FAM135B: variants seen among roughly 807,000 people sequenced by gnomAD.
FAM135B encodes protein FAM135B.
A neutral mutation model predicts 127.7 loss-of-function variants in FAM135B; 43 were observed. The observed-to-expected ratio is 0.34, with a 90% CI of 0.26 to 0.43. FAM135B has a LOEUF of 0.43. Ranked by LOEUF, FAM135B falls within the 20% of genes least tolerant of loss-of-function variation. The pLI is 1.00. For synonymous variants in FAM135B, 670 were observed against 665.1 expected, an observed-to-expected ratio of 1.01 and a Z score of -0.11; for missense variants, 1,558 against 1,725.6, an observed-to-expected ratio of 0.90 and a Z score of 1.72.
intron 2 of FAM135B, among the ~76,000 whole-genome samples, chr8:138,314,724 T>TAAATAAATAAATAAATAAATAAATAAAA (rs56300482): frequency 6.7e-6 from 1 of 149,424 alleles, no homozygotes; most frequent in Non-Finnish European, 1.5e-5. Flanking sequence ...AATAAATAAA[T>TAAATAAATAAATAAATAAATAAATAAAA]TAGCTGGGTG....
chr8:138,324,441 A>G (rs889713494), intron 2 of FAM135B, among the ~76,000 whole-genome samples: 17 of 152,230 alleles, frequency 1.1e-4, no homozygotes, highest in African/African-American at 4.1e-4. Context: ...GCCATTTGCC[A>G]TTTTTGCAGA....
chr8:138,222,274 G>A (rs778086607), intron 7 of FAM135B, among the ~76,000 whole-genome samples: 2 of 152,148 alleles, frequency 1.3e-5, no homozygotes, highest in Non-Finnish European at 2.9e-5. Context: ...GGTATAACAG[G>A]ATGACAGAAA....
rs530880072 is a variant in FAM135B, at chr8:138,156,675, G to A, written c.1259-3459C>T. Among the ~76,000 whole-genome samples the A allele has an allele frequency of 1.6e-3, 236 of 152,174 alleles. 1 individual carries two copies. The highest frequency in any genetic ancestry group is 2.5e-3 in the Non-Finnish European group (167 of 67,994). On this transcript the variant is annotated intron_variant, in intron 12 of 19. Transcript: ENST00000395297. ...CAGAGAATACTAAAAACACCTCTAC[G>A]CAAATAAACTAGAAAATATAGAAGA...
At chr8:138,462,203 T>C (rs568721952) in intron 1 of FAM135B, among the ~76,000 whole-genome samples, 2 of 152,280 alleles carry the variant, frequency 1.3e-5, no homozygotes, top group African/African-American at 4.8e-5. Flanking sequence ...TATATGTACA[T>C]ATATGTGGAA....
In FAM135B at chr8:138,148,565, A is replaced by C; in HGVS notation, c.3403T>G (p.Leu1135Val). ...ACAACCAGGTGAATTCCATCTTCCA[A>C]ATTTTCTTCCTCTTCCTCTGGTGGG... ...YFPPEEEEEN[L>V]EDGIHLVVCV... The change falls in exon 14 of 20, where the codon TTG becomes GTG. Residue 1135 changes from leucine (L) to valine (V), a missense_variant. Leu to Val is a conservative substitution (Grantham distance 32, BLOSUM62 1). Transcript: ENST00000395297. 1 of 1,614,094 alleles carries C rather than the reference A, an allele frequency of 6.2e-7. No individual in the cohort carries two copies. Among genetic ancestry groups the C allele is most frequent in the Non-Finnish European group, 8.5e-7 (1 of 1,179,960 alleles).
intron 1 of FAM135B, among the ~76,000 whole-genome samples, chr8:138,415,741 G>T (rs34031939): frequency 6.6e-6 from 1 of 152,108 alleles, no homozygotes; most frequent in Non-Finnish European, 1.5e-5. Context: ...AGACAATATG[G>T]CCCCAAGGGG....
At chr8:138,225,849 A>G (rs1318499797) in intron 7 of FAM135B, among the ~76,000 whole-genome samples, 2 of 152,158 alleles carry the variant, frequency 1.3e-5, no homozygotes, top group Non-Finnish European at 2.9e-5. Context: ...CAACCCTCAT[A>G]GCAGCTGGCA....
At chr8:138,166,093 G>A (rs1341029828) in intron 12 of FAM135B, among the ~76,000 whole-genome samples, 5 of 152,164 alleles carry the variant, frequency 3.3e-5, no homozygotes, top group Non-Finnish European at 7.4e-5. Context: ...GGCGTTGAAC[G>A]TCGGCTTTAA....
rs1347432421 is a variant in FAM135B, at chr8:138,141,355, G to A, written c.3639-6C>T. On this transcript the variant is annotated splice_polypyrimidine_tract_variant and splice_region_variant and intron_variant, in intron 16 of 19. Coordinates refer to ENST00000395297, the MANE Select transcript of FAM135B (RefSeq NM_015912.4). The surrounding 1 kb of genome is among the most constrained non-coding windows in gnomAD (Gnocchi z 4.7). ...CAAGAGAATGGCCAATGAAGCTGTG[G>A]AGAAACAGAAGGGGTACCCATGAGT... The A allele has an allele frequency of 6.2e-7, 1 of 1,614,096 alleles. No homozygotes were observed. Among genetic ancestry groups the A allele is most frequent in the South Asian group, 1.1e-5 (1 of 91,050 alleles).
chr8:138,459,859 T>C (rs1303768931), intron 1 of FAM135B, among the ~76,000 whole-genome samples: 3 of 152,188 alleles, frequency 2.0e-5, no homozygotes. Flanking sequence ...AGATTGGCCA[T>C]GGACCCTGGG....
In FAM135B at chr8:138,209,154, G is replaced by A. The variant is rs114928323; in HGVS notation, c.670-11485C>T. Among the ~76,000 whole-genome samples, 376 of 152,090 alleles carry A rather than the reference G, an allele frequency of 2.5e-3. 1 individual carries two copies. Among genetic ancestry groups the A allele is most frequent in the African/African-American group, 8.6e-3 (358 of 41,482 alleles). On this transcript the variant is annotated intron_variant, in intron 7 of 19. Transcript: ENST00000395297. ...GTGGTTCCTGTGTGCCCATCACTGC[G>A]GTGAACACTTGAGGTCTAGAGGTTA...
At chr8:138,452,427 T>G (rs937879701) in intron 1 of FAM135B, among the ~76,000 whole-genome samples, 1 of 152,090 alleles carries the variant, frequency 6.6e-6, no homozygotes, top group Non-Finnish European at 1.5e-5. Context: ...GGCCCCAATC[T>G]GCTTTTCAAA....
intron 2 of FAM135B, among the ~76,000 whole-genome samples, chr8:138,336,951 A>T (rs963396605): frequency 4.6e-5 from 7 of 152,222 alleles, no homozygotes; most frequent in African/African-American, 1.7e-4. Context: ...GGCTGGTTCA[A>T]CATAGGCAAA....
chr8:138,159,611 G>C (rs113625984), intron 12 of FAM135B, among the ~76,000 whole-genome samples: 3 of 137,674 alleles, frequency 2.2e-5, no homozygotes, highest in Admixed American at 7.3e-5. Context: ...TCGTGGGGTG[G>C]GGGGAGGGGG....
chr8:138,381,495 T>C (rs1385492909), intron 1 of FAM135B, among the ~76,000 whole-genome samples: 1 of 152,144 alleles, frequency 6.6e-6, no homozygotes, highest in African/African-American at 2.4e-5. Context: ...TCTGAAAGCA[T>C]CTTTATTTTC....
intron 1 of FAM135B, among the ~76,000 whole-genome samples, chr8:138,406,448 C>T (rs188677899): frequency 0.019 from 2,818 of 151,084 alleles, 85 homozygotes; most frequent in East Asian, 0.08. Context: ...CGGGCAGAGA[C>T]ACAACCAAAA....
At chr8:138,220,588 A>G (rs1008122758) in intron 7 of FAM135B, among the ~76,000 whole-genome samples, 2 of 152,204 alleles carry the variant, frequency 1.3e-5, no homozygotes, top group Non-Finnish European at 2.9e-5. Context: ...CAAAGAGCCT[A>G]GAAGCATATC....
At chr8:138,259,132 G>T (rs16908718) in intron 4 of FAM135B, among the ~76,000 whole-genome samples, 35,033 of 152,136 alleles carry the variant, frequency 0.23, 4,865 homozygotes, top group Non-Finnish European at 0.3. Context: ...GCTAGTGAGA[G>T]TCCCACATCC....
At chr8:138,413,923 T>G (rs1435285006) in intron 1 of FAM135B, among the ~76,000 whole-genome samples, 1 of 151,888 alleles carries the variant, frequency 6.6e-6, no homozygotes, top group Non-Finnish European at 1.5e-5. Flanking sequence ...CCCTCTTGCC[T>G]TGGCTAGGCC....
Sources: allele counts gnomAD v4.1 joint callset (sites outside exome capture counted in the v4.1 genomes callset), GRCh38; gene constraint gnomAD v4.1.1; non-coding constraint Gnocchi (gnomAD v3.1); transcripts MANE v1.5; gene names NCBI Gene and HGNC (gene_info 2026-07-23, HGNC 2026-07-21).